PDLIM5: variants seen among roughly 807,000 people sequenced by gnomAD.
The protein encoded by PDLIM5 is PDZ and LIM domain 5.
Under a neutral mutation model 64.2 loss-of-function variants are expected in PDLIM5, and 34 were observed. The ratio of observed to expected loss-of-function variants is 0.53; its 90% CI spans 0.40 to 0.71. PDLIM5 has a LOEUF of 0.71. Ranked by LOEUF, PDLIM5 falls within the 30% of genes least tolerant of loss-of-function variation. The pLI, the probability that PDLIM5 is intolerant of heterozygous loss-of-function variation, is 0.00. For missense variants in PDLIM5, 683 were observed against 733.6 expected, an observed-to-expected ratio of 0.93 and a Z score of 0.80; for synonymous variants, 253 against 269.1, an observed-to-expected ratio of 0.94 and a Z score of 0.59.
At chr4:94,497,476 CA>C (rs1727503704) in intron 2 of PDLIM5, among the ~76,000 whole-genome samples, 1 of 151,994 alleles carries the variant, frequency 6.6e-6, no homozygotes, top group South Asian at 2.1e-4. Context: ...CTATATAAAA[CA>C]TGATATGATT....
rs1340688519 is a variant in PDLIM5 at position 94,666,137 on chromosome 4, G to C, written c.*2070G>C. 4 of 810,158 alleles carry C rather than the reference G, an allele frequency of 4.9e-6. No homozygotes were observed. The East Asian group carries it at 8.1e-5, about 16-fold the overall frequency. 50.2% of individuals were successfully genotyped at this position (810,158 alleles called of 1,614,324 possible). On this transcript the variant is annotated 3_prime_UTR_variant, in exon 13 of 13. Transcript: ENST00000317968. The stretch of plus-strand genomic sequence containing the variant: ...CCTTCCTGCCCCATCACTCACTTAC[G>C]ACATCACTTCCATTGTGTGCATGTT...
chr4:94,583,414 T>C (rs1031352114), intron 5 of PDLIM5, among the ~76,000 whole-genome samples: 1 of 152,166 alleles, frequency 6.6e-6, no homozygotes, highest in Non-Finnish European at 1.5e-5. Flanking sequence ...GTCTTACACT[T>C]GAAATTGGCA....
At chr4:94,568,010 A>C (rs1734485144) in intron 3 of PDLIM5, among the ~76,000 whole-genome samples, 1 of 152,236 alleles carries the variant, frequency 6.6e-6, no homozygotes, top group Non-Finnish European at 1.5e-5. Context: ...AATACGTTTC[A>C]CTTTCATTTC....
At chr4:94,533,630 C>T (rs1020962863) in intron 3 of PDLIM5, among the ~76,000 whole-genome samples, 9 of 152,190 alleles carry the variant, frequency 5.9e-5, no homozygotes, top group African/African-American at 1.7e-4. Flanking sequence ...CAGTTAACCA[C>T]TTGTACCTGC....
intron 2 of PDLIM5, among the ~76,000 whole-genome samples, chr4:94,522,702 C>T (rs752465717): frequency 9.2e-5 from 14 of 152,110 alleles, no homozygotes; most frequent in Middle Eastern, 3.2e-3. Context: ...CGGTGTTGTG[C>T]GACCTTCTGA....
At chr4:94,638,421 C>T (rs1044497221) in intron 8 of PDLIM5, among the ~76,000 whole-genome samples, 1 of 152,182 alleles carries the variant, frequency 6.6e-6, no homozygotes, top group Admixed American at 6.5e-5. Flanking sequence ...TTTCACAGAT[C>T]GAGTGCCAGG....
In PDLIM5 at chr4:94,575,858, A is replaced by T. The variant is rs757576011; in HGVS notation, c.534A>T (p.Gly178=). 6.2e-7 allele frequency: 1 copy of T among 1,614,084 alleles called. No individual in the cohort carries two copies. Among genetic ancestry groups the T allele is most frequent in the South Asian group, 1.1e-5 (1 of 91,070 alleles). ...CTCCTCCCCTGTTCGCTGCATCTGG[A>T]CTGCATGCTAATGCCAATCTTAGTG... ...AVTPPLFAAS[G]LHANANLSAD... The change falls in exon 5 of 13, where the codon GGA becomes GGT. Residue 178 remains glycine (G), a synonymous_variant. Transcript: ENST00000317968.
chr4:94,480,733 G>C (rs1009865623), intron 2 of PDLIM5, among the ~76,000 whole-genome samples: 3 of 152,188 alleles, frequency 2.0e-5, no homozygotes, highest in African/African-American at 7.2e-5. Context: ...CCACAAAGCA[G>C]AGAGAGGAAG....
At chr4:94,456,191 G>T in intron 2 of PDLIM5, 2 of 437,852 alleles carry the variant, frequency 4.6e-6, no homozygotes, top group South Asian at 4.3e-5. Context: ...TCAAATGGTG[G>T]CATATTATAC....
chr4:94,564,197 T>C (rs1382721595), intron 3 of PDLIM5, among the ~76,000 whole-genome samples: 2 of 151,912 alleles, frequency 1.3e-5, no homozygotes, highest in African/African-American at 2.4e-5. Flanking sequence ...CTCCTGACCT[T>C]GTGATCCACC....
chr4:94,558,056 C>G (rs1339296294), intron 3 of PDLIM5, among the ~76,000 whole-genome samples: 1 of 152,110 alleles, frequency 6.6e-6, no homozygotes, highest in Admixed American at 6.5e-5. Flanking sequence ...TCATAAGTAG[C>G]TCTTATTATT....
chr4:94,457,233 G>A (rs1311864548), intron 2 of PDLIM5: 5 of 849,628 alleles, frequency 5.9e-6, no homozygotes, highest in Non-Finnish European at 7.1e-6. Flanking sequence ...TTTTTTTAAA[G>A]TTATCTTTAA....
rs376754580 is a variant in PDLIM5 at position 94,610,228 on chromosome 4, TCTC to T, written c.921-7773_921-7771del. 1,290 of 1,518,848 alleles carry T rather than the reference TCTC, an allele frequency of 8.5e-4. 10 individuals are homozygous for T. In the African/African-American group the frequency reaches 0.015, roughly 18 times the overall value. 94.1% of individuals were successfully genotyped at this position (1,518,848 alleles called of 1,614,324 possible). A position where few individuals can be genotyped will look rare whatever the true frequency, so the allele number is the denominator to read the frequency against. On this transcript the variant is annotated intron_variant, in intron 7 of 12. Transcript: ENST00000317968. ...TTTTCGAAACTTTTCTACCTTCTCT[TCTC>T]CTGCTAGATATAGTGCTGCAGTTCT... is the stretch of plus-strand genomic sequence containing the variant.
chr4:94,640,796 T>A (rs961908571), intron 9 of PDLIM5, among the ~76,000 whole-genome samples: 1 of 152,188 alleles, frequency 6.6e-6, no homozygotes. Context: ...TTCATTATTC[T>A]ACAAATTATA....
At chr4:94,540,361 G>A (rs1271595601) in intron 3 of PDLIM5, among the ~76,000 whole-genome samples, 14 of 152,012 alleles carry the variant, frequency 9.2e-5, no homozygotes, top group Admixed American at 7.2e-4. Flanking sequence ...CTCGTGATCC[G>A]CCCGCCTCGG....
intron 3 of PDLIM5, among the ~76,000 whole-genome samples, chr4:94,540,153 T>G (rs1322783705): frequency 3.4e-5 from 5 of 147,870 alleles, no homozygotes; most frequent in Non-Finnish European, 6.0e-5. Context: ...TTTTTTGAGA[T>G]GGAGTCTCGC....
chr4:94,625,502 G>T (rs1175334817), intron 8 of PDLIM5, among the ~76,000 whole-genome samples: 1 of 151,346 alleles, frequency 6.6e-6, no homozygotes, highest in African/African-American at 2.4e-5. Flanking sequence ...GCCCAGGCTG[G>T]AGTGCAGTGG....
chr4:94,588,731 G>A (rs888841755), intron 7 of PDLIM5, among the ~76,000 whole-genome samples: 12 of 152,168 alleles, frequency 7.9e-5, no homozygotes, highest in East Asian at 5.8e-4. Flanking sequence ...TGAAATTACC[G>A]CTGAAGGACC....
intron 10 of PDLIM5, among the ~76,000 whole-genome samples, chr4:94,656,629 T>TTTTA (rs778058070): frequency 6.7e-5 from 10 of 149,694 alleles, no homozygotes; most frequent in Non-Finnish European, 1.2e-4. Context: ...ATTTTATTAT[T>TTTTA]TTTATTTATT....
Sources: allele counts gnomAD v4.1 joint callset (sites outside exome capture counted in the v4.1 genomes callset), GRCh38; gene constraint gnomAD v4.1.1; transcripts MANE v1.5; gene names NCBI Gene and HGNC (gene_info 2026-07-23, HGNC 2026-07-21).